Variants in TANGO6 observed in about 807,000 individuals in gnomAD.
The protein encoded by TANGO6 is transport and Golgi organization protein 6 homolog.
In TANGO6, 90 loss-of-function variants were observed where a neutral mutation model predicts 114.2. That is an observed-to-expected ratio of 0.79 (90% confidence interval 0.66 to 0.94). TANGO6 has a LOEUF of 0.94. Among genes scored for constraint, TANGO6 ranks in the 40% least tolerant of loss-of-function variants. The pLI, the probability that TANGO6 is intolerant of heterozygous loss-of-function variation, is 0.00. For missense variants in TANGO6, 1,274 were observed against 1,315.3 expected (o/e 0.97, Z 0.49); for synonymous variants, 477 against 509.8 (o/e 0.94, Z 0.87).
At chr16:68,975,980 A>G (rs758803005) in intron 15 of TANGO6, among the ~76,000 whole-genome samples, 15 of 151,760 alleles carry the variant, frequency 9.9e-5, no homozygotes, top group South Asian at 2.1e-4. Context: ...TGTTGCCCAC[A>G]TTGGAGTTCA....
At chr16:68,972,902 A>C in intron 14 of TANGO6, 1 of 277,240 alleles carries the variant, frequency 3.6e-6, no homozygotes, top group Non-Finnish European at 7.1e-6. Flanking sequence ...GCAGATGCAG[A>C]GGGGAAGTGA....
In TANGO6 at chr16:69,022,836, G is replaced by A; in HGVS notation, c.2851G>A (p.Val951Ile). ...CTTCCTTTTTCCTATAGGAGACATG[G>A]TCTCAAAGTACCGAGAACCTTTGAT... ...MRIVRALGDM[V>I]SKYREPLIHT... is the part of the protein sequence containing the mutation. The change falls in exon 16 of 18, where the codon GTC (valine) becomes ATC (isoleucine). Residue 951 changes from valine to isoleucine, a missense_variant. By Grantham distance (29) the Val-to-Ile change is conservative. Transcript: ENST00000261778. 6.3e-7 allele frequency: 1 copy of A among 1,578,814 alleles called. No individual in the cohort carries two copies. Among genetic ancestry groups the A allele is most frequent in the Non-Finnish European group, 8.6e-7 (1 of 1,161,488 alleles).
chr16:68,980,435 ATTTT>A lies in TANGO6; in HGVS notation c.2842+6281_2842+6284del, dbSNP rs1291932299. 2.9e-3 allele frequency among the ~76,000 whole-genome samples: 179 copies of A among 61,738 alleles called. 4 individuals are homozygous for A. The highest frequency in any genetic ancestry group is 0.013 in the South Asian group (25 of 1,900). 40.5% of individuals were successfully genotyped at this position (61,738 alleles called of 152,430 possible). A position where few individuals can be genotyped will look rare whatever the true frequency, so the allele number is the denominator to read the frequency against. On this transcript the variant is annotated intron_variant, in intron 15 of 17. Coordinates refer to ENST00000261778, the MANE Select transcript of TANGO6 (RefSeq NM_024562.2). Reference sequence around the variant, plus strand: ...TATATATATATATATATATATATATATTTTTTTTTTTTTTTTTGAGATAGGGTCT... The same window carrying A: ...TATATATATATATATATATATATATATTTTTTTTTTTTTGAGATAGGGTCT...
chr16:68,917,650 T>C (rs957463527), intron 11 of TANGO6, among the ~76,000 whole-genome samples: 2 of 152,226 alleles, frequency 1.3e-5, no homozygotes, highest in African/African-American at 4.8e-5. Flanking sequence ...TCATTTCCAG[T>C]TCTCCAGTGA....
rs981630984 is a variant in TANGO6 at position 68,854,516 on chromosome 16, G to T, written c.95-5368G>T. On this transcript the variant is annotated intron_variant, in intron 1 of 17. Transcript: ENST00000261778. ...TGTTGTCTACTCTAGGATCATAAAA[G>T]ACTTTCTTCTGTGTTTTCTTCCAGA... Among the ~76,000 whole-genome samples, 4 of 151,972 alleles carry T rather than the reference G, an allele frequency of 2.6e-5. No homozygotes were observed. The East Asian group carries it at 7.7e-4, about 29-fold the overall frequency.
intron 14 of TANGO6, among the ~76,000 whole-genome samples, chr16:68,956,704 T>G (rs1459278579): frequency 6.6e-6 from 1 of 151,914 alleles, no homozygotes; most frequent in East Asian, 1.9e-4. Flanking sequence ...AATACAAAAA[T>G]TAGCCAGTCA....
Position 68,902,034 on chromosome 16 carries a change from TAC to T in TANGO6, c.1491-291_1491-290del, listed in dbSNP as rs138153431. On this transcript the variant is annotated intron_variant, in intron 8 of 17. Coordinates refer to ENST00000261778, the MANE Select transcript of TANGO6 (RefSeq NM_024562.2). ...ACAGTGCCTGATGCAAAGGCAGTAG[TAC>T]ACTTGGAATTACCAAAAAAAAAAAA... Among the ~76,000 whole-genome samples, 58 of 142,670 alleles carry T rather than the reference TAC, an allele frequency of 4.1e-4. No individual in the cohort carries two copies. In the East Asian group the frequency reaches 0.01, roughly 25 times the overall value. 93.6% of individuals were successfully genotyped at this position (142,670 alleles called of 152,430 possible).
chr16:68,844,611 A>G (rs1961775184), intron 1 of TANGO6, among the ~76,000 whole-genome samples: 1 of 152,134 alleles, frequency 6.6e-6, no homozygotes. Context: ...AACTGCAAAA[A>G]CTTCTGCAAA....
At chr16:69,028,959 A>G (rs1246945261) in intron 16 of TANGO6, among the ~76,000 whole-genome samples, 1 of 152,148 alleles carries the variant, frequency 6.6e-6, no homozygotes, top group Non-Finnish European at 1.5e-5. Context: ...GATGGGATCT[A>G]TATGTTTTCT....
At chr16:69,069,628 CTTGCGTGT>C (rs1274340181) in intron 17 of TANGO6, among the ~76,000 whole-genome samples, 1 of 152,128 alleles carries the variant, frequency 6.6e-6, no homozygotes, top group African/African-American at 2.4e-5. Flanking sequence ...CGGTGTATAA[CTTGCGTGT>C]TATTCCTCTG....
At chr16:68,957,559 G>A (rs1036051208) in intron 14 of TANGO6, among the ~76,000 whole-genome samples, 2 of 151,876 alleles carry the variant, frequency 1.3e-5, no homozygotes, top group African/African-American at 2.4e-5. Flanking sequence ...CACCATGCTT[G>A]GCTAATTTTT....
intron 9 of TANGO6, among the ~76,000 whole-genome samples, chr16:68,904,657 A>G (rs546343192): frequency 7.9e-5 from 12 of 152,346 alleles, no homozygotes; most frequent in African/African-American, 2.4e-4. Flanking sequence ...GAAATAACAC[A>G]TATTCTTTGT....
intron 15 of TANGO6, among the ~76,000 whole-genome samples, chr16:69,016,184 C>G (rs1458461141): frequency 1.3e-5 from 2 of 152,164 alleles, no homozygotes; most frequent in Admixed American, 1.3e-4. Flanking sequence ...CCATATTGTC[C>G]TCAGTACTGA....
chr16:69,009,681 T>C (rs1221400391), intron 15 of TANGO6, among the ~76,000 whole-genome samples: 2 of 152,226 alleles, frequency 1.3e-5, no homozygotes, highest in Non-Finnish European at 2.9e-5. Context: ...TTCATGAACA[T>C]GGGATGTCTT....
intron 14 of TANGO6, among the ~76,000 whole-genome samples, chr16:68,967,224 G>A (rs754111101): frequency 1.6e-4 from 24 of 152,170 alleles, no homozygotes; most frequent in Non-Finnish European, 3.2e-4. Flanking sequence ...TTGGGAGGGC[G>A]GGGATGGTTT....
intron 7 of TANGO6, among the ~76,000 whole-genome samples, chr16:68,897,074 T>G: frequency 6.6e-6 from 1 of 152,050 alleles, no homozygotes; most frequent in East Asian, 1.9e-4. Flanking sequence ...CAGCTAACTT[T>G]TGTATTTTTA....
At chr16:68,856,071 G>T (rs2043739156) in intron 1 of TANGO6, among the ~76,000 whole-genome samples, 1 of 152,008 alleles carries the variant, frequency 6.6e-6, no homozygotes, top group South Asian at 2.1e-4. Flanking sequence ...TTCCATCTGT[G>T]AATATAAACA....
chr16:69,054,899 C>T (rs918683359), intron 17 of TANGO6, among the ~76,000 whole-genome samples: 2 of 143,596 alleles, frequency 1.4e-5, no homozygotes, highest in African/African-American at 5.2e-5. Context: ...CGAGATCAAG[C>T]CACTGCACTC....
At position 68,909,381 on chromosome 16, in the gene TANGO6, G is replaced by A. The variant is rs747669211; in HGVS notation, c.1971G>A (p.Gln657=). Residue 657 remains glutamine, a synonymous_variant, in exon 11 of 18, where the codon CAG becomes CAA. Transcript: ENST00000261778. ...MAVLCERMSE[Q]IFTNVTQVVD... ...TTCTGTGCGAGAGAATGTCTGAGCA[G>A]ATATTCACAAACGTCACTCAGGTCA... The A allele has an allele frequency of 1.3e-6, 2 of 1,548,486 alleles. No homozygotes were observed. The highest frequency in any genetic ancestry group is 8.7e-7 in the Non-Finnish European group (1 of 1,142,988).
Sources: allele counts gnomAD v4.1 joint callset (sites outside exome capture counted in the v4.1 genomes callset), GRCh38; gene constraint gnomAD v4.1.1; transcripts MANE v1.5; gene names NCBI Gene and HGNC (gene_info 2026-07-23, HGNC 2026-07-21).